ERO1B: variants seen among roughly 807,000 people sequenced by gnomAD.
The protein encoded by ERO1B is endoplasmic reticulum oxidoreductase 1 beta.
ERO1B carries 49 observed loss-of-function variants against 75.3 expected under a neutral mutation model. That is an observed-to-expected ratio of 0.65 (90% CI 0.52 to 0.83). The LOEUF is 0.83. ERO1B is among the 40% of genes least tolerant of loss of function. ERO1B has a pLI of 0.00. For synonymous variants in ERO1B, 191 were observed against 192.9 expected (o/e 0.99, Z 0.08); for missense variants, 512 against 560.1 (o/e 0.91, Z 0.87).
intron 4 of ERO1B, among the ~76,000 whole-genome samples, chr1:236,250,572 C>CATATATATATAT (rs1171832762): frequency 6.9e-5 from 6 of 86,376 alleles, no homozygotes; most frequent in East Asian, 5.1e-4. Flanking sequence ...TAAATTTGAC[C>CATATATATATAT]ATATATATAT....
At chr1:236,251,121 A>G (rs895979059) in intron 4 of ERO1B, among the ~76,000 whole-genome samples, 3 of 152,136 alleles carry the variant, frequency 2.0e-5, no homozygotes, top group Non-Finnish European at 4.4e-5. Context: ...AACAGAGAAA[A>G]TTTCAAAAGT....
chr1:236,248,149 T>C (rs539489813), intron 5 of ERO1B, among the ~76,000 whole-genome samples: 20 of 152,342 alleles, frequency 1.3e-4, no homozygotes, highest in African/African-American at 3.6e-4. Context: ...GAACAGTGCT[T>C]GGCACATTGT....
intron 2 of ERO1B, among the ~76,000 whole-genome samples, chr1:236,267,288 A>G (rs182779928): frequency 6.6e-6 from 1 of 152,106 alleles, no homozygotes; most frequent in Admixed American, 6.6e-5. Flanking sequence ...TAGCTACTTC[A>G]TATCTTTTCT....
chr1:236,280,231 A>T (rs1665803256), intron 1 of ERO1B, among the ~76,000 whole-genome samples: 1 of 152,264 alleles, frequency 6.6e-6, no homozygotes, highest in South Asian at 2.1e-4. Context: ...ATAAATTAAT[A>T]TGTGCTATAT....
chr1:236,258,135 AAAG>A (rs1413559095), intron 2 of ERO1B, among the ~76,000 whole-genome samples: 3 of 111,698 alleles, frequency 2.7e-5, no homozygotes, highest in African/African-American at 1.0e-4. Context: ...GAAAGAAAAA[AAAG>A]AAAAACAAAG....
intron 4 of ERO1B, 41 bp downstream of exon 4, chr1:236,252,009 C>A (rs769291786): frequency 2.0e-5 from 28 of 1,410,960 alleles, no homozygotes; most frequent in Non-Finnish European, 2.7e-5. Context: ...GTAAGTTTCA[C>A]AATGTAAAGC....
chr1:236,217,233 T>G lies in ERO1B; in HGVS notation c.*1283A>C, dbSNP rs1055622240. On this transcript the variant is annotated 3_prime_UTR_variant, in exon 16 of 16. Transcript: ENST00000354619. Reference sequence around the variant, plus strand: ...AAGGAAAAACTCTAGATCTTGTACCTGCATTACTTCTACACAGATGCAATC... The same window carrying G: ...AAGGAAAAACTCTAGATCTTGTACCGGCATTACTTCTACACAGATGCAATC... 1.3e-5 allele frequency: 2 copies of G among 152,138 alleles called. No individual in the cohort carries two copies. Among genetic ancestry groups the G allele is most frequent in the African/African-American group, 4.8e-5 (2 of 41,454 alleles). The allele number at this position is 152,138 out of a possible 1,614,324, so 9.4% of individuals were successfully genotyped here.
chr1:236,280,208 TAGACAGATA>T (rs1275203297), intron 1 of ERO1B, among the ~76,000 whole-genome samples: 2 of 152,230 alleles, frequency 1.3e-5, no homozygotes, highest in Non-Finnish European at 2.9e-5. Context: ...ATGAAGTTTC[TAGACAGATA>T]AGCATAAATT....
intron 2 of ERO1B, among the ~76,000 whole-genome samples, chr1:236,255,404 A>G (rs1314334543): frequency 1.3e-5 from 2 of 152,188 alleles, no homozygotes; most frequent in Admixed American, 1.3e-4. Context: ...CCTCTACCCC[A>G]ACGTACTGTT....
chr1:236,223,265 C>T (rs1664200432), intron 13 of ERO1B, among the ~76,000 whole-genome samples: 1 of 150,484 alleles, frequency 6.6e-6, no homozygotes, highest in Admixed American at 6.6e-5. Flanking sequence ...TGCCTATAAG[C>T]ATTTGTGTGC....
At chr1:236,251,590 A>T (rs1726663) in intron 4 of ERO1B, among the ~76,000 whole-genome samples, 37,738 of 152,042 alleles carry the variant, frequency 0.25, 4,871 homozygotes, top group East Asian at 0.38. Context: ...ACGGTTCTCT[A>T]AAAACATATC....
intron 6 of ERO1B, among the ~76,000 whole-genome samples, chr1:236,239,524 A>G (rs895491449): frequency 6.6e-6 from 1 of 151,822 alleles, no homozygotes; most frequent in African/African-American, 2.4e-5. Context: ...CTACAGGCCA[A>G]GTTCTCTACA....
At chr1:236,242,908 G>C (rs1323674165) in intron 6 of ERO1B, among the ~76,000 whole-genome samples, 2 of 152,080 alleles carry the variant, frequency 1.3e-5, no homozygotes, top group Admixed American at 1.3e-4. Context: ...TTGGAAAAAG[G>C]GCTGTGGAGA....
chr1:236,251,988 G>C, intron 4 of ERO1B, 62 bp downstream of exon 4: 1 of 1,203,428 alleles, frequency 8.3e-7, no homozygotes, highest in South Asian at 1.3e-5. Context: ...GCCACTGTCA[G>C]TCAGTAAATG....
At chr1:236,224,482 A>T (rs10924787) in intron 13 of ERO1B, among the ~76,000 whole-genome samples, 15,607 of 150,422 alleles carry the variant, frequency 0.1, 2,717 homozygotes, top group African/African-American at 0.36. Flanking sequence ...AAAAAAAAAA[A>T]TGCCAATTTC....
At chr1:236,238,538 TTTAA>T (rs1287739193) in intron 6 of ERO1B, among the ~76,000 whole-genome samples, 39 of 90,138 alleles carry the variant, frequency 4.3e-4, no homozygotes, top group Admixed American at 1.5e-3. Flanking sequence ...TTTTTTTTTT[TTTAA>T]AAAAAAAAAG....
intron 1 of ERO1B, among the ~76,000 whole-genome samples, chr1:236,274,529 T>C (rs967088232): frequency 7.9e-5 from 12 of 152,194 alleles, no homozygotes; most frequent in Non-Finnish European, 2.9e-5. Context: ...TTATATTCTT[T>C]TAGAACTCCA....
chr1:236,229,242 C>A (rs546961078), intron 10 of ERO1B, among the ~76,000 whole-genome samples: 2 of 151,986 alleles, frequency 1.3e-5, no homozygotes, highest in East Asian at 3.9e-4. Flanking sequence ...CTGGCCAACA[C>A]GGCGAAACCT....
At chr1:236,260,526 G>A (rs1665270099) in intron 2 of ERO1B, among the ~76,000 whole-genome samples, 1 of 152,040 alleles carries the variant, frequency 6.6e-6, no homozygotes, top group African/African-American at 2.4e-5. Flanking sequence ...TTAGCTGGGT[G>A]TGGTGGCATG....
Sources: gnomAD v4.1 joint callset for allele counts (sites outside exome capture counted in the v4.1 genomes callset) on GRCh38, gnomAD v4.1.1 for gene constraint, MANE v1.5 for transcripts, NCBI Gene and HGNC (gene_info 2026-07-23, HGNC 2026-07-21) for gene names.